Variants in SCN2A observed in about 807,000 individuals in gnomAD.
The protein encoded by SCN2A is sodium channel protein type 2 subunit alpha.
SCN2A carries 20 observed loss-of-function variants against 188.7 expected under a neutral mutation model. The ratio of observed to expected loss-of-function variants is 0.11; its 90% CI spans 0.07 to 0.15. The LOEUF (loss-of-function observed/expected upper bound fraction) is 0.15, where lower values mean the gene tolerates loss of function less well. Ranked by LOEUF, SCN2A falls within the 10% of genes least tolerant of loss-of-function variation. The pLI, the probability that SCN2A is intolerant of heterozygous loss-of-function variation, is 1.00. For missense variants in SCN2A, 1,278 were observed against 2,445.0 expected (o/e 0.52, Z 10.07); for synonymous variants, 804 against 833.1 (o/e 0.97, Z 0.60).
chr2:165,272,777 C>T (rs1695159891), intron 1 of SCN2A: 1 of 16,324 alleles, frequency 6.1e-5, no homozygotes, highest in Non-Finnish European at 1.3e-4. Context: ...CACACACACA[C>T]ACACACACAC....
At chr2:165,325,741 C>T (rs1276267312) in intron 12 of SCN2A, among the ~76,000 whole-genome samples, 1 of 151,640 alleles carries the variant, frequency 6.6e-6, no homozygotes, top group Non-Finnish European at 1.5e-5. Flanking sequence ...TATTTCTTTT[C>T]TTACTAATTT....
intron 16 of SCN2A, among the ~76,000 whole-genome samples, chr2:165,353,261 T>C (rs1184464135): frequency 6.6e-6 from 1 of 152,206 alleles, no homozygotes; most frequent in Non-Finnish European, 1.5e-5. Flanking sequence ...TATTGTATAA[T>C]TATAGTAGCC....
intron 22 of SCN2A, among the ~76,000 whole-genome samples, chr2:165,376,666 A>T (rs1332293753): frequency 1.3e-5 from 2 of 151,918 alleles, no homozygotes; most frequent in Non-Finnish European, 2.9e-5. Context: ...ACTCTGAGGA[A>T]AGAAGTGCTG....
intron 14 of SCN2A, among the ~76,000 whole-genome samples, chr2:165,338,418 C>G (rs916073322): frequency 6.6e-6 from 1 of 152,012 alleles, no homozygotes; most frequent in Non-Finnish European, 1.5e-5. Flanking sequence ...AGCCACCAAG[C>G]CTGGCTAATT....
intron 1 of SCN2A, chr2:165,268,366 G>A (rs527425577): frequency 6.6e-6 from 1 of 152,108 alleles, no homozygotes; most frequent in South Asian, 2.1e-4. Flanking sequence ...TACCCGGGAT[G>A]CAGGGATGGT....
Position 165,389,232 on chromosome 2 carries a change from C to T in SCN2A, c.5426C>T (p.Ala1809Val), listed in dbSNP as rs1553463646. 1.9e-6 allele frequency: 3 copies of T among 1,613,972 alleles called. No homozygotes were observed. Among genetic ancestry groups the T allele is most frequent in the Non-Finnish European group, 2.5e-6 (3 of 1,179,984 alleles). ...GTTTGGGAGAAGTTTGATCCCGATG[C>T]GACCCAGTTTATAGAGTTTGCCAAA... is the stretch of plus-strand genomic sequence containing the variant. ...YEVWEKFDPD[A>V]TQFIEFAKLS... is the part of the protein sequence containing the mutation. The change falls in exon 27 of 27, where the codon GCG becomes GTG. Residue 1809 changes from alanine (A) to valine (V), a missense_variant. Physicochemically the swap from Ala to Val is moderately conservative, Grantham distance 64. This residue lies in a region of SCN2A where 54 missense variants were observed against 135.4 expected (regional missense o/e 0.40). Transcript: ENST00000375437. This position sits in a 1 kb window ranked among gnomAD's most constrained non-coding sequence, Gnocchi z 4.2.
In SCN2A at chr2:165,390,824, G is replaced by T. The variant is rs886055003; in HGVS notation, c.*1000G>T. On this transcript the variant is annotated 3_prime_UTR_variant, in exon 27 of 27. Transcript: ENST00000375437. ...AACATCCCCACCACCACTTTATAAA[G>T]TTGATTCTGCTTTATCCTGCAGTAT... 6.6e-5 allele frequency: 10 copies of T among 152,434 alleles called. No individual in the cohort carries two copies. Among genetic ancestry groups the T allele is most frequent in the Non-Finnish European group, 1.5e-4 (10 of 67,980 alleles). 9.4% of individuals were successfully genotyped at this position (152,434 alleles called of 1,614,324 possible).
rs1383202838 is a variant in SCN2A, at chr2:165,373,165, CTGAACTG to C, written c.3850-57_3850-51del. On this transcript the variant is annotated intron_variant, in intron 20 of 26. Coordinates refer to ENST00000375437, the MANE Select transcript of SCN2A (RefSeq NM_001040142.2). ...TACTGATTCATTGCATAGAGCAAGG[CTGAACTG>C]TGTAGACATTTTTATATGTAAATAA... The C allele has an allele frequency of 1.1e-5, 18 of 1,571,600 alleles. No homozygotes were observed. The Admixed American group carries it at 3.0e-4, about 26-fold the overall frequency.
Position 165,331,357 on chromosome 2 carries a change from C to T in SCN2A, c.2177C>T (p.Pro726Leu), listed in dbSNP as rs867268264. The T allele has an allele frequency of 8.7e-6, 14 of 1,613,658 alleles. No individual in the cohort carries two copies. The Middle Eastern group carries it at 2.1e-3, about 247-fold the overall frequency. Residue 726 changes from proline to leucine, a missense_variant, in exon 14 of 27, where the codon CCA becomes CTA. Around this residue, in one of 17 missense-constraint regions of SCN2A, gnomAD observed 315 missense variants for 386.6 expected, o/e 0.81. Transcript: ENST00000375437. ...EELEESRQKC[P>L]PCWYKFANMC... ...CTTGAAGAATCCAGACAGAAATGCC[C>T]ACCATGCTGGTATAAATTTGCTAAT...
At chr2:165,282,965 A>G (rs1695647637) in intron 1 of SCN2A, among the ~76,000 whole-genome samples, 1 of 152,224 alleles carries the variant, frequency 6.6e-6, no homozygotes. Flanking sequence ...GGAACTTGAC[A>G]TTATTTGTTG....
intron 2 of SCN2A, 148 bp downstream of exon 2, chr2:165,296,238 A>G: frequency 2.6e-6 from 2 of 763,418 alleles, no homozygotes; most frequent in East Asian, 2.6e-5. Flanking sequence ...TAATGGACCA[A>G]TGATCCTAGA....
chr2:165,345,332 A>G (rs147567210), intron 16 of SCN2A, among the ~76,000 whole-genome samples: 44 of 152,326 alleles, frequency 2.9e-4, no homozygotes, highest in Non-Finnish European at 5.4e-4. Flanking sequence ...GGTGCCTAGA[A>G]ACTATGGTAT....
chr2:165,354,723 TA>T, intron 17 of SCN2A, 52 bp downstream of exon 17: 1 of 1,573,638 alleles, frequency 6.4e-7, no homozygotes, highest in Non-Finnish European at 8.7e-7. Flanking sequence ...TTCTGTTGTT[TA>T]AAATTATCAG....
intron 21 of SCN2A, 118 bp downstream of exon 21, chr2:165,373,465 G>C: frequency 8.7e-7 from 1 of 1,143,126 alleles, no homozygotes; most frequent in Non-Finnish European, 1.3e-6. Context: ...TACTGACATA[G>C]CTAATCAATC....
chr2:165,327,552 A>G (rs1282694583), intron 13 of SCN2A: 1 of 155,452 alleles, frequency 6.4e-6, no homozygotes, highest in Non-Finnish European at 1.4e-5. Flanking sequence ...GGATCTCAGA[A>G]TGCCAAAATA....
rs1701550548 is a variant in SCN2A, at chr2:165,380,581, A to T, written c.4309-11A>T. 2 of 1,558,624 alleles carry T rather than the reference A, an allele frequency of 1.3e-6. No homozygotes were observed. Among genetic ancestry groups the T allele is most frequent in the African/African-American group, 1.4e-5 (1 of 73,686 alleles). On this transcript the variant is annotated splice_polypyrimidine_tract_variant and intron_variant, in intron 23 of 26. Transcript: ENST00000375437. The stretch of plus-strand genomic sequence containing the variant: ...CTAGATATAATGGTTACAATTCTTC[A>T]TATTCTTTAGGTAGAATTACAACCC...
intron 25 of SCN2A, among the ~76,000 whole-genome samples, chr2:165,385,737 G>A (rs1701835313): frequency 6.6e-6 from 1 of 152,078 alleles, no homozygotes; most frequent in African/African-American, 2.4e-5. Flanking sequence ...CATCTTAGCT[G>A]AACTTTAAAA....
chr2:165,320,229 C>T (rs1170164363), intron 11 of SCN2A: 2 of 152,272 alleles, frequency 1.3e-5, no homozygotes, highest in African/African-American at 2.4e-5. Flanking sequence ...GACTCCATGT[C>T]TCACATCCAG....
At chr2:165,304,035 T>C (rs2105231982) in intron 3 of SCN2A, among the ~76,000 whole-genome samples, 1 of 152,286 alleles carries the variant, frequency 6.6e-6, no homozygotes. Flanking sequence ...CATAAGGCTG[T>C]TAATTTCCAC....
Sources: allele counts gnomAD v4.1 joint callset (sites outside exome capture counted in the v4.1 genomes callset), GRCh38; gene constraint gnomAD v4.1.1; regional missense constraint gnomAD v4.1.1; non-coding constraint Gnocchi (gnomAD v3.1); transcripts MANE v1.5; gene names NCBI Gene and HGNC (gene_info 2026-07-23, HGNC 2026-07-21).